The following CALU variants were observed in gnomAD, a reference collection of about 807,000 sequenced individuals.
CALU encodes the protein calumenin.
In CALU, 13 loss-of-function variants were observed where a neutral mutation model predicts 37.5. The ratio of observed to expected loss-of-function variants is 0.35; its 90% CI spans 0.23 to 0.55. The LOEUF is 0.55. Ranked by LOEUF, CALU falls within the 20% of genes least tolerant of loss-of-function variation. CALU has a pLI of 0.89. For missense variants in CALU, 282 were observed against 391.7 expected (o/e 0.72, Z 2.36); for synonymous variants, 114 against 133.8 (o/e 0.85, Z 1.02).
At chr7:128,759,901 A>G (rs1432601139) in intron 5 of CALU, 49 bp downstream of exon 5, 3 of 988,424 alleles carry the variant, frequency 3.0e-6, no homozygotes. Context: ...AGAAGCTTTG[A>G]AAGGTGTATT....
chr7:128,740,071 G>C (rs1419567006), intron 1 of CALU, among the ~76,000 whole-genome samples: 1 of 152,158 alleles, frequency 6.6e-6, no homozygotes, highest in African/African-American at 2.4e-5. Flanking sequence ...AGCTTTATTG[G>C]GGAATTAATT....
chr7:128,757,574 G>A (rs972132022), intron 3 of CALU, among the ~76,000 whole-genome samples: 1 of 152,156 alleles, frequency 6.6e-6, no homozygotes, highest in Non-Finnish European at 1.5e-5. Flanking sequence ...CAGTAATGAT[G>A]TTATTCTTAA....
At chr7:128,750,402 A>T (rs181417772) in intron 2 of CALU, among the ~76,000 whole-genome samples, 2 of 152,134 alleles carry the variant, frequency 1.3e-5, no homozygotes, top group African/African-American at 4.8e-5. Flanking sequence ...ATGGTACTAT[A>T]ATGAGGATGT....
Position 128,739,408 on chromosome 7 carries a change from T to G in CALU, c.-36T>G, listed in dbSNP as rs1276278704. On this transcript the variant is annotated 5_prime_UTR_variant, in exon 1 of 7. Transcript: ENST00000249364. ...TGGGTGAGCGGCGGCCACGGCATCC[T>G]GTGCTGTGGGGGCTACGAGGAAAGG... The G allele has an allele frequency of 6.6e-6, 1 of 152,508 alleles. No individual in the cohort carries two copies. The highest frequency in any genetic ancestry group is 1.5e-5 in the Non-Finnish European group (1 of 68,290). 9.4% of individuals were successfully genotyped at this position (152,508 alleles called of 1,614,324 possible). A position where few individuals can be genotyped will look rare whatever the true frequency, so the allele number is the denominator to read the frequency against.
chr7:128,757,460 T>C (rs1215510833), intron 3 of CALU, among the ~76,000 whole-genome samples: 1 of 151,742 alleles, frequency 6.6e-6, no homozygotes, highest in Non-Finnish European at 1.5e-5. Flanking sequence ...CAATAAAAAA[T>C]GAAGCTTCAA....
intron 3 of CALU, among the ~76,000 whole-genome samples, chr7:128,754,947 A>G (rs1046914913): frequency 6.6e-6 from 1 of 152,020 alleles, no homozygotes; most frequent in Non-Finnish European, 1.5e-5. Context: ...AGCATTTTAC[A>G]TATATTTTAC....
rs755345085 is a variant in CALU at position 128,759,776 on chromosome 7, A to C, written c.583-16A>C. On this transcript the variant is annotated splice_polypyrimidine_tract_variant and intron_variant, in intron 4 of 6. Coordinates refer to ENST00000249364, the MANE Select transcript of CALU (RefSeq NM_001219.5). ...GAGACCAACTTAATAGTCTCTTCTT[A>C]TTCTTTCCTGTTTAGGAAACAATGG... 6.5e-6 allele frequency: 8 copies of C among 1,222,748 alleles called. No individual in the cohort carries two copies. The highest frequency in any genetic ancestry group is 3.0e-5 in the African/African-American group (2 of 67,762). 75.7% of individuals were successfully genotyped at this position (1,222,748 alleles called of 1,614,324 possible).
In CALU at chr7:128,757,081, A is replaced by AT. The variant is rs1800912081; in HGVS notation, c.416-1788dup. On this transcript the variant is annotated intron_variant, in intron 3 of 6. Coordinates refer to ENST00000249364, the MANE Select transcript of CALU (RefSeq NM_001219.5). ...ACACAGAACAAGGACCTGACTATAA[A>AT]TTAAAAAAAAAAAAAATTGTATCTT... is the stretch of plus-strand genomic sequence containing the variant. 2.0e-5 allele frequency among the ~76,000 whole-genome samples: 3 copies of AT among 151,764 alleles called. No homozygotes were observed. In the South Asian group the frequency reaches 6.2e-4, roughly 32 times the overall value.
In CALU at chr7:128,771,287, T is replaced by C. The variant is rs1028302156; in HGVS notation, c.*2120T>C. On this transcript the variant is annotated 3_prime_UTR_variant, in exon 7 of 7. Transcript: ENST00000249364. ...TGAATGATCCCTTTGAAATTTTTTT[T>C]TTGTTTGTTTGTTTAAATCAAGCCT... is the stretch of plus-strand genomic sequence containing the variant. 1 of 152,646 alleles carries C rather than the reference T, an allele frequency of 6.6e-6. No homozygotes were observed. Among genetic ancestry groups the C allele is most frequent in the Admixed American group, 6.5e-5 (1 of 15,290 alleles). The allele number at this position is 152,646 out of a possible 1,614,324, so 9.5% of individuals were successfully genotyped here. A position where few individuals can be genotyped will look rare whatever the true frequency, so the allele number is the denominator to read the frequency against.
intron 1 of CALU, among the ~76,000 whole-genome samples, chr7:128,743,174 G>T (rs1373390434): frequency 1.3e-5 from 2 of 150,018 alleles, no homozygotes; most frequent in Admixed American, 6.6e-5. Flanking sequence ...TTTTTCCCAA[G>T]AAAAAAATAT....
In CALU at chr7:128,770,473, A is replaced by G. The variant is rs1356902238; in HGVS notation, c.*1306A>G. 6.6e-6 allele frequency: 1 copy of G among 152,556 alleles called. No individual in the cohort carries two copies. The highest frequency in any genetic ancestry group is 1.5e-5 in the Non-Finnish European group (1 of 68,036). The allele number at this position is 152,556 out of a possible 1,614,324, so 9.5% of individuals were successfully genotyped here. On this transcript the variant is annotated 3_prime_UTR_variant, in exon 7 of 7. Transcript: ENST00000249364. ...GAGCTTGAGCTCACACTCAAAGATCAGAGGACCTACAGAGAGGGCTCTTTG... is the reference window on the plus strand; with the variant it reads ...GAGCTTGAGCTCACACTCAAAGATCGGAGGACCTACAGAGAGGGCTCTTTG...
intron 1 of CALU, among the ~76,000 whole-genome samples, chr7:128,746,953 AG>A: frequency 6.6e-6 from 1 of 151,988 alleles, no homozygotes; most frequent in Non-Finnish European, 1.5e-5. Context: ...TATTTGTAGT[AG>A]AGACGGGGTT....
At chr7:128,768,926 G>A (rs1285215294) in intron 6 of CALU, 137 bp from the exon 7 acceptor site, 2 of 568,368 alleles carry the variant, frequency 3.5e-6, no homozygotes, top group Non-Finnish European at 6.4e-6. Flanking sequence ...GGGGAATGAG[G>A]GCTGAGTAGT....
intron 1 of CALU, among the ~76,000 whole-genome samples, chr7:128,746,641 A>T (rs570936527): frequency 6.6e-6 from 1 of 151,874 alleles, no homozygotes; most frequent in African/African-American, 2.4e-5. Context: ...TTTAGTAGAG[A>T]CAGTGTTTCG....
At chr7:128,762,025 G>A (rs959656878) in intron 5 of CALU, among the ~76,000 whole-genome samples, 2 of 144,062 alleles carry the variant, frequency 1.4e-5, no homozygotes, top group Non-Finnish European at 3.0e-5. Context: ...AAGATAGGAT[G>A]GATGTTTTCC....
intron 2 of CALU, among the ~76,000 whole-genome samples, chr7:128,751,334 A>G (rs1447651418): frequency 1.3e-5 from 2 of 152,100 alleles, no homozygotes; most frequent in African/African-American, 4.8e-5. Flanking sequence ...ATAGAAGTGA[A>G]CTAGAGCAGT....
chr7:128,757,700 A>G (rs1235585755), intron 3 of CALU, among the ~76,000 whole-genome samples: 1 of 152,210 alleles, frequency 6.6e-6, no homozygotes, highest in African/African-American at 2.4e-5. Flanking sequence ...TTTTTAAAAT[A>G]TCTTCATGTC....
rs201341527 is a variant in CALU, at chr7:128,769,139, A to G, written c.920A>G (p.Glu307Gly). ...GGCAGCCAGGCCACAGATTTTGGGG[A>G]GGCCTTAGTACGGCATGATGAGTTC... Reference protein sequence around the residue: ...FVGSQATDFGEALVRHDEF With the variant: ...FVGSQATDFGGALVRHDEF The change falls in exon 7 of 7, where the codon GAG becomes GGG. Residue 307 changes from glutamate to glycine, a missense_variant. By Grantham distance (98) the Glu-to-Gly change is moderately conservative. Coordinates refer to ENST00000249364, the MANE Select transcript of CALU (RefSeq NM_001219.5). The G allele has an allele frequency of 6.2e-6, 10 of 1,607,538 alleles. No homozygotes were observed. The highest frequency in any genetic ancestry group is 8.5e-6 in the Non-Finnish European group (10 of 1,174,074).
At chr7:128,749,418 T>C (rs1800571981) in intron 2 of CALU, among the ~76,000 whole-genome samples, 3 of 152,238 alleles carry the variant, frequency 2.0e-5, no homozygotes, top group Non-Finnish European at 4.4e-5. Context: ...TCTTTTGTCC[T>C]GAAAAATGGA....
Sources: gnomAD v4.1 joint callset for allele counts (sites outside exome capture counted in the v4.1 genomes callset) on GRCh38, gnomAD v4.1.1 for gene constraint, MANE v1.5 for transcripts, NCBI Gene and HGNC (gene_info 2026-07-23, HGNC 2026-07-21) for gene names.